TTYH2: variants seen among roughly 807,000 people sequenced by gnomAD.
TTYH2 encodes protein tweety homolog 2.
TTYH2 carries 49 observed loss-of-function variants against 68.3 expected under a neutral mutation model. That is an observed-to-expected ratio of 0.72 (90% confidence interval 0.57 to 0.91). TTYH2 has a LOEUF of 0.91. Among genes scored for constraint, TTYH2 ranks in the 40% least tolerant of loss-of-function variants. The probability of loss-of-function intolerance (pLI) is 0.00; values close to 1 mark genes in which losing one functional copy is unlikely to be tolerated. For synonymous variants in TTYH2, 272 were observed against 300.8 expected (o/e 0.90, Z 0.99); for missense variants, 631 against 700.4 (o/e 0.90, Z 1.12).
chr17:74,259,246 G>A (rs541573674), intron 13 of TTYH2, among the ~76,000 whole-genome samples: 24 of 152,140 alleles, frequency 1.6e-4, no homozygotes, highest in Middle Eastern at 6.8e-3. Context: ...GTCTCGCTCC[G>A]TTGCCCAGGG....
At chr17:74,229,165 G>A (rs2050361663) in intron 2 of TTYH2, among the ~76,000 whole-genome samples, 1 of 152,176 alleles carries the variant, frequency 6.6e-6, no homozygotes, top group Non-Finnish European at 1.5e-5. Flanking sequence ...GGGGGAAAGG[G>A]TGGAGGATGT....
Position 74,248,174 on chromosome 17 carries a change from A to G in TTYH2, c.805-837A>G, listed in dbSNP as rs2050580436. 1.7e-5 allele frequency: 12 copies of G among 714,646 alleles called. No homozygotes were observed. The Admixed American group carries it at 1.9e-4, about 11-fold the overall frequency. The allele number at this position is 714,646 out of a possible 1,614,324, so 44.3% of individuals were successfully genotyped here. A position where few individuals can be genotyped will look rare whatever the true frequency, so the allele number is the denominator to read the frequency against. On this transcript the variant is annotated intron_variant, in intron 6 of 13. Coordinates refer to ENST00000269346, the MANE Select transcript of TTYH2 (RefSeq NM_032646.6). ...GGAGCATGTGCCAGAGGAGGGGGAC[A>G]TCCCTAAGGAACAGGCCAGAGGACC...
At chr17:74,224,724 G>T (rs1024939138) in intron 2 of TTYH2, among the ~76,000 whole-genome samples, 55 of 152,316 alleles carry the variant, frequency 3.6e-4, no homozygotes, top group Non-Finnish European at 1.2e-4. Flanking sequence ...AGAGGGCTGG[G>T]CGTGGTGGCT....
Position 74,222,339 on chromosome 17 carries a change from A to G in TTYH2, c.130-146A>G, listed in dbSNP as rs552697104. On this transcript the variant is annotated intron_variant, in intron 1 of 13. Transcript: ENST00000269346. The surrounding 1 kb of genome is among the most constrained non-coding windows in gnomAD (Gnocchi z 5.2). ...GCGCCGGGCCCTCTGTTTACAGAGTAGGAGCTTGAACCCTAGGTGGAGCTT... is the reference window on the plus strand; with the variant it reads ...GCGCCGGGCCCTCTGTTTACAGAGTGGGAGCTTGAACCCTAGGTGGAGCTT... 12 of 937,174 alleles carry G rather than the reference A, an allele frequency of 1.3e-5. No individual in the cohort carries two copies. Among genetic ancestry groups the G allele is most frequent in the Non-Finnish European group, 1.7e-5 (11 of 650,264 alleles). 58.1% of individuals were successfully genotyped at this position (937,174 alleles called of 1,614,324 possible).
intron 6 of TTYH2, among the ~76,000 whole-genome samples, chr17:74,247,493 G>A (rs1300197282): frequency 1.3e-5 from 2 of 152,166 alleles, no homozygotes; most frequent in African/African-American, 4.8e-5. Context: ...GCCAAGGGGT[G>A]TGAAGAGCAG....
chr17:74,243,562 G>A (rs1057159451), intron 5 of TTYH2, 93 bp downstream of exon 5: 1 of 1,407,438 alleles, frequency 7.1e-7, no homozygotes, highest in Non-Finnish European at 1.0e-6. Context: ...CAGAGTGTGG[G>A]GAAAATAGCC....
At chr17:74,216,007 C>T (rs986488003) in intron 1 of TTYH2, among the ~76,000 whole-genome samples, 5 of 152,222 alleles carry the variant, frequency 3.3e-5, no homozygotes, top group Non-Finnish European at 7.3e-5. Context: ...CAGTTCTTTC[C>T]ATGTGTGACC....
chr17:74,237,754 C>G (rs2050458913), intron 4 of TTYH2, among the ~76,000 whole-genome samples: 1 of 152,014 alleles, frequency 6.6e-6, no homozygotes, highest in Non-Finnish European at 1.5e-5. Flanking sequence ...AGCCTCCCTC[C>G]CAAGTAGCTG....
chr17:74,230,090 C>T (rs963356970), intron 2 of TTYH2, among the ~76,000 whole-genome samples: 4 of 152,030 alleles, frequency 2.6e-5, no homozygotes, highest in African/African-American at 9.7e-5. Context: ...GAGATAGCGC[C>T]ATTGCACTCC....
chr17:74,220,814 T>A (rs1355291643), intron 1 of TTYH2, among the ~76,000 whole-genome samples: 1 of 150,822 alleles, frequency 6.6e-6, no homozygotes, highest in Non-Finnish European at 1.5e-5. Context: ...CTAGAAGGGA[T>A]CTCCCTCTGT....
chr17:74,244,597 T>TAA (rs35467655), intron 6 of TTYH2, among the ~76,000 whole-genome samples: 11 of 148,930 alleles, frequency 7.4e-5, no homozygotes, highest in South Asian at 2.1e-4. Context: ...CAAAATGGCT[T>TAA]AAAAAAAAAA....
At chr17:74,242,826 C>G (rs2050515484) in intron 4 of TTYH2, among the ~76,000 whole-genome samples, 2 of 152,160 alleles carry the variant, frequency 1.3e-5, no homozygotes, top group South Asian at 4.1e-4. Flanking sequence ...CTATAAACAT[C>G]AGGCCTTGGC....
rs767665808 is a variant in TTYH2 at position 74,222,439 on chromosome 17, G to A, written c.130-46G>A. Reference sequence around the variant, plus strand: ...AAGGGCAGGGCACTTCCAGAGCCCCGCACTGCAGGGATGAAGAGTGACAAC... The same window carrying A: ...AAGGGCAGGGCACTTCCAGAGCCCCACACTGCAGGGATGAAGAGTGACAAC... On this transcript the variant is annotated intron_variant, in intron 1 of 13. Coordinates refer to ENST00000269346, the MANE Select transcript of TTYH2 (RefSeq NM_032646.6). This position sits in a 1 kb window ranked among gnomAD's most constrained non-coding sequence, Gnocchi z 5.2. The A allele has an allele frequency of 1.9e-5, 29 of 1,562,688 alleles. No individual in the cohort carries two copies. Among genetic ancestry groups the A allele is most frequent in the Middle Eastern group, 1.7e-4 (1 of 5,752 alleles).
chr17:74,245,615 T>C (rs895089628), intron 6 of TTYH2, among the ~76,000 whole-genome samples: 2 of 152,200 alleles, frequency 1.3e-5, no homozygotes, highest in Non-Finnish European at 2.9e-5. Flanking sequence ...TGCGGGGAGC[T>C]GGGGAGAAAG....
intron 7 of TTYH2, 83 bp from the exon 8 acceptor site, chr17:74,249,261 G>A: frequency 6.3e-7 from 1 of 1,589,772 alleles, no homozygotes; most frequent in Non-Finnish European, 8.6e-7. Context: ...GACGGGGAGG[G>A]AGGTCTGGCT....
At position 74,243,372 on chromosome 17, in the gene TTYH2, AG is replaced by A; in HGVS notation, c.636del. 6.2e-7 allele frequency: 1 copy of A among 1,613,986 alleles called. No homozygotes were observed. The highest frequency in any genetic ancestry group is 8.5e-7 in the Non-Finnish European group (1 of 1,179,834). ...CCTGACCATCCCTGCCCCTCTACCC[AG>A]GTGGCTCTCCTACCTCCTGCTCTTT... On this transcript the variant is annotated splice_acceptor_variant, in intron 4 of 13. Transcript: ENST00000269346. LOFTEE classifies it high-confidence loss of function.
At position 74,249,081 on chromosome 17, in the gene TTYH2, G is replaced by GTAAC. The variant is rs1436070075; in HGVS notation, c.874+4_874+7dup. 6 of 1,614,036 alleles carry GTAAC rather than the reference G, an allele frequency of 3.7e-6. No individual in the cohort carries two copies. In the East Asian group the frequency reaches 1.3e-4, roughly 36 times the overall value. ...GTCACGGAGGGCCAGATCAGCACAG[G>GTAAC]TAACTACACACTCTCAGGCTGCTGC... On this transcript the variant is annotated splice_donor_variant, in intron 7 of 13. Transcript: ENST00000269346. LOFTEE classifies it high-confidence loss of function.
chr17:74,228,247 G>C (rs1280530792), intron 2 of TTYH2, among the ~76,000 whole-genome samples: 2 of 152,124 alleles, frequency 1.3e-5, no homozygotes, highest in African/African-American at 4.8e-5. Context: ...GCCTCCCAAA[G>C]TGCTAGGATT....
intron 1 of TTYH2, among the ~76,000 whole-genome samples, chr17:74,216,232 ACT>A (rs1214572699): frequency 2.6e-5 from 4 of 151,952 alleles, no homozygotes; most frequent in Non-Finnish European, 5.9e-5. Flanking sequence ...TCTTCCACAG[ACT>A]CTGATTGGGG....
Sources: allele counts gnomAD v4.1 joint callset (sites outside exome capture counted in the v4.1 genomes callset), GRCh38; gene constraint gnomAD v4.1.1; non-coding constraint Gnocchi (gnomAD v3.1); transcripts MANE v1.5; gene names NCBI Gene and HGNC (gene_info 2026-07-23, HGNC 2026-07-21).